The following GLDC variants were observed in gnomAD, a reference collection of about 807,000 sequenced individuals.
GLDC encodes the protein glycine decarboxylase, also known as glycine dehydrogenase (decarboxylating), mitochondrial.
Under a neutral mutation model 121.3 loss-of-function variants are expected in GLDC, and 104 were observed. The observed-to-expected ratio is 0.86, with a 90% CI of 0.73 to 1.01. GLDC has a LOEUF of 1.01. GLDC is among the 50% of genes least tolerant of loss of function. The pLI, the probability that GLDC is intolerant of heterozygous loss-of-function variation, is 0.00. For missense variants in GLDC, 1,429 were observed against 1,306.6 expected, an observed-to-expected ratio of 1.09 and a Z score of -1.44; for synonymous variants, 546 against 480.6, an observed-to-expected ratio of 1.14 and a Z score of -1.78.
chr9:6,565,410 C>A lies in GLDC; in HGVS notation c.1870G>T (p.Ala624Ser). The A allele has an allele frequency of 6.2e-7, 1 of 1,613,612 alleles. No homozygotes were observed. Among genetic ancestry groups the A allele is most frequent in the Non-Finnish European group, 8.5e-7 (1 of 1,179,540 alleles). The change falls in exon 16 of 25, where the codon GCT becomes TCT. Residue 624 changes from alanine (A) to serine (S), a missense_variant. Ala to Ser is a moderately conservative substitution (Grantham distance 99). Transcript: ENST00000321612. ...TAGGCTCGGATAGTGGCCAGTCCAG[C>A]ATATTCTCCCTGGGCTCCGCTTGCA... Reference protein sequence around the residue: ...QPNSGAQGEYAGLATIRAYLN... With the variant: ...QPNSGAQGEYSGLATIRAYLN...
chr9:6,600,869 A>G (rs769711712), intron 8 of GLDC, among the ~76,000 whole-genome samples: 1 of 152,082 alleles, frequency 6.6e-6, no homozygotes, highest in African/African-American at 2.4e-5. Context: ...GTTTTATCCC[A>G]TCCTTTTAAA....
chr9:6,545,417 C>T (rs1817367516), intron 21 of GLDC, among the ~76,000 whole-genome samples: 1 of 152,024 alleles, frequency 6.6e-6, no homozygotes, highest in African/African-American at 2.4e-5. Context: ...AAAAATACGA[C>T]ATAAAACATA....
intron 3 of GLDC, among the ~76,000 whole-genome samples, chr9:6,614,026 C>T (rs1818916426): frequency 6.6e-6 from 1 of 151,382 alleles, no homozygotes; most frequent in Non-Finnish European, 1.5e-5. Flanking sequence ...ATCTGCCCAC[C>T]CTGGCCTCCC....
At chr9:6,627,489 A>G (rs779735407) in intron 2 of GLDC, among the ~76,000 whole-genome samples, 5 of 152,074 alleles carry the variant, frequency 3.3e-5, no homozygotes, top group Non-Finnish European at 7.4e-5. Flanking sequence ...CCAGCTTGGG[A>G]CTAATGAGTT....
At chr9:6,572,798 G>A (rs1032114788) in intron 15 of GLDC, among the ~76,000 whole-genome samples, 1 of 152,142 alleles carries the variant, frequency 6.6e-6, no homozygotes, top group African/African-American at 2.4e-5. Context: ...TAACTTCCCT[G>A]TAAATTATTT....
At chr9:6,551,036 T>A (rs1297712488) in intron 20 of GLDC, 122 bp from the exon 21 acceptor site, 4 of 762,302 alleles carry the variant, frequency 5.2e-6, no homozygotes, top group African/African-American at 5.1e-5. Context: ...ACCATGACTC[T>A]GGAGTAAAGA....
intron 3 of GLDC, among the ~76,000 whole-genome samples, chr9:6,615,247 A>G (rs1304782800): frequency 2.0e-5 from 3 of 152,156 alleles, no homozygotes; most frequent in Non-Finnish European, 4.4e-5. Context: ...GACATTCAAA[A>G]ACTTTTAAAA....
chr9:6,545,127 T>G (rs1268290115), intron 21 of GLDC, among the ~76,000 whole-genome samples: 5 of 151,828 alleles, frequency 3.3e-5, no homozygotes, highest in African/African-American at 7.3e-5. Flanking sequence ...AAAAGTATCA[T>G]CTTACCTGAG....
intron 21 of GLDC, 95 bp downstream of exon 21, chr9:6,550,708 A>C (rs1207449792): frequency 3.8e-6 from 3 of 790,294 alleles, no homozygotes; most frequent in Admixed American, 1.7e-5. Flanking sequence ...TAAGAAATAG[A>C]AGTCTCTTGC....
intron 18 of GLDC, 47 bp downstream of exon 18, chr9:6,556,106 A>T: frequency 6.5e-7 from 1 of 1,530,242 alleles, no homozygotes; most frequent in Non-Finnish European, 9.0e-7. Context: ...TTTTCCACAT[A>T]TCCATTTTCT....
chr9:6,620,398 T>G lies in GLDC; in HGVS notation c.335-79A>C, dbSNP rs112624547. 200 of 1,225,648 alleles carry G rather than the reference T, an allele frequency of 1.6e-4. No homozygotes were observed. The Middle Eastern group carries it at 3.0e-3, about 18-fold the overall frequency. The allele number at this position is 1,225,648 out of a possible 1,614,324, so 75.9% of individuals were successfully genotyped here. ...TAATTACAGTTTAAATCCCTCATTT[T>G]GTTTGAGTATTTATGACAGAATAAC... On this transcript the variant is annotated intron_variant, in intron 2 of 24. Coordinates refer to ENST00000321612, the MANE Select transcript of GLDC (RefSeq NM_000170.3).
At chr9:6,638,335 G>A (rs545708986) in intron 2 of GLDC, among the ~76,000 whole-genome samples, 86 of 151,814 alleles carry the variant, frequency 5.7e-4, no homozygotes, top group South Asian at 3.5e-3. Flanking sequence ...CGGCCTCAGC[G>A]TCCCAAGTAG....
Position 6,565,410 on chromosome 9 carries a change from C to T in GLDC, c.1870G>A (p.Ala624Thr), listed in dbSNP as rs143653301. 63 of 1,613,494 alleles carry T rather than the reference C, an allele frequency of 3.9e-5. No homozygotes were observed. Among genetic ancestry groups the T allele is most frequent in the Non-Finnish European group, 5.3e-5 (62 of 1,179,548 alleles). The change falls in exon 16 of 25, where the codon GCT becomes ACT. Residue 624 changes from alanine (A) to threonine (T), a missense_variant. Transcript: ENST00000321612. The stretch of plus-strand genomic sequence containing the variant: ...TAGGCTCGGATAGTGGCCAGTCCAG[C>T]ATATTCTCCCTGGGCTCCGCTTGCA... The part of the protein sequence containing the change: ...QPNSGAQGEY[A>T]GLATIRAYLN...
At chr9:6,609,477 C>T (rs1818805232) in intron 4 of GLDC, among the ~76,000 whole-genome samples, 1 of 152,086 alleles carries the variant, frequency 6.6e-6, no homozygotes, top group African/African-American at 2.4e-5. Context: ...TACAACCCCA[C>T]CAAACAGAGA....
At position 6,620,102 on chromosome 9, in the gene GLDC, G is replaced by A. The variant is rs367903606; in HGVS notation, c.470+82C>T. 1.6e-3 allele frequency: 2,223 copies of A among 1,407,640 alleles called. 49 individuals are homozygous for A. In the South Asian group the frequency reaches 0.023, roughly 15 times the overall value. The allele number at this position is 1,407,640 out of a possible 1,614,324, so 87.2% of individuals were successfully genotyped here. On this transcript the variant is annotated intron_variant, in intron 3 of 24. Transcript: ENST00000321612. The stretch of plus-strand genomic sequence containing the variant: ...AGGTGGGTGTCAGTGTGGAGGCTCT[G>A]AGACTGCAAGGGGACAGATGGAGGA...
chr9:6,639,668 A>AAATATAT, intron 2 of GLDC: 1 of 248,648 alleles, frequency 4.0e-6, no homozygotes, highest in East Asian at 1.2e-4. Flanking sequence ...ATAAAAAAAA[A>AAATATAT]GTATATATAT....
Position 6,587,248 on chromosome 9 carries a change from G to C in GLDC, c.1743C>G (p.Pro581=), listed in dbSNP as rs771788026. The change falls in exon 15 of 25, where the codon CCC becomes CCG. Residue 581 remains proline (P), a synonymous_variant. Transcript: ENST00000321612. ...CTTGAGCTTGATCCAGAGGCACAAA[G>C]GGGTGGATGTTTGCAAATTCTTTCC... ...ITWKEFANIH[P]FVPLDQAQGY... The C allele has an allele frequency of 9.9e-6, 16 of 1,613,980 alleles. No individual in the cohort carries two copies. The highest frequency in any genetic ancestry group is 7.7e-5 in the South Asian group (7 of 91,076).
At chr9:6,577,079 AGCCTTCTGTGC>A (rs1367092727) in intron 15 of GLDC, among the ~76,000 whole-genome samples, 1 of 152,224 alleles carries the variant, frequency 6.6e-6, no homozygotes, top group African/African-American at 2.4e-5. Context: ...AAAGAACAAA[AGCCTTCTGTGC>A]GCATAACACA....
chr9:6,555,178 G>A (rs565868941), intron 18 of GLDC, among the ~76,000 whole-genome samples: 20 of 152,302 alleles, frequency 1.3e-4, no homozygotes, highest in African/African-American at 4.1e-4. Flanking sequence ...CTGCGTGGTC[G>A]GCTTTAGTAT....
Sources: gnomAD v4.1 joint callset for allele counts (sites outside exome capture counted in the v4.1 genomes callset) on GRCh38, gnomAD v4.1.1 for gene constraint, MANE v1.5 for transcripts, NCBI Gene and HGNC (gene_info 2026-07-23, HGNC 2026-07-21) for gene names.